The following SPOCK3 variants were observed in gnomAD, a reference collection of about 807,000 sequenced individuals.
SPOCK3 encodes testican-3.
Under a neutral mutation model 56.6 loss-of-function variants are expected in SPOCK3, and 30 were observed. That is an observed-to-expected ratio of 0.53 (90% CI 0.40 to 0.72). The LOEUF is 0.72. SPOCK3 is among the 30% of genes least tolerant of loss of function. The pLI is 0.00. For missense variants in SPOCK3, 527 were observed against 530.0 expected (o/e 0.99, Z 0.06); for synonymous variants, 196 against 183.3 (o/e 1.07, Z -0.56).
chr4:167,129,864 T>A lies in SPOCK3; in HGVS notation c.190-67327A>T, dbSNP rs757284313. 2.4e-4 allele frequency among the ~76,000 whole-genome samples: 36 copies of A among 152,180 alleles called. 1 individual carries two copies. Among genetic ancestry groups the A allele is most frequent in the Admixed American group, 9.2e-4 (14 of 15,270 alleles). On this transcript the variant is annotated intron_variant, in intron 2 of 10. Coordinates refer to ENST00000357545, the MANE Select transcript of SPOCK3 (RefSeq NM_001040159.2). The stretch of plus-strand genomic sequence containing the variant: ...TATATTATTTAAAGTTGCACTAAAA[T>A]TTCTTATGCTCAACTTGCACAGTTT...
At chr4:166,741,757 T>C (rs1208522606) in intron 9 of SPOCK3, among the ~76,000 whole-genome samples, 2 of 152,178 alleles carry the variant, frequency 1.3e-5, no homozygotes, top group Non-Finnish European at 2.9e-5. Flanking sequence ...GCTTAAATCT[T>C]TCTTTTTACT....
At chr4:166,958,224 C>T (rs1243293977) in intron 4 of SPOCK3, among the ~76,000 whole-genome samples, 8 of 152,154 alleles carry the variant, frequency 5.3e-5, no homozygotes, top group Non-Finnish European at 1.2e-4. Context: ...TATGCATCTT[C>T]CAGCTTTGCT....
intron 2 of SPOCK3, among the ~76,000 whole-genome samples, chr4:167,066,887 A>G (rs1385850963): frequency 6.6e-6 from 1 of 151,926 alleles, no homozygotes; most frequent in Admixed American, 6.6e-5. Context: ...AACTGGTTAC[A>G]ACTAGGCTTT....
At chr4:166,910,050 CTCTT>C (rs1737090845) in intron 5 of SPOCK3, among the ~76,000 whole-genome samples, 1 of 152,050 alleles carries the variant, frequency 6.6e-6, no homozygotes, top group Non-Finnish European at 1.5e-5. Flanking sequence ...ATCAAATAAA[CTCTT>C]AAAAAAAGAT....
At chr4:167,166,545 T>A (rs1765780923) in intron 2 of SPOCK3, among the ~76,000 whole-genome samples, 1 of 151,948 alleles carries the variant, frequency 6.6e-6, no homozygotes, top group Non-Finnish European at 1.5e-5. Context: ...CTGTTAAGAG[T>A]TTTCTGTATT....
chr4:166,742,626 A>G (rs1165531562), intron 8 of SPOCK3, among the ~76,000 whole-genome samples: 2 of 152,114 alleles, frequency 1.3e-5, no homozygotes, highest in Admixed American at 6.6e-5. Flanking sequence ...AATATTGTAT[A>G]ATGTTAAGAG....
intron 6 of SPOCK3, among the ~76,000 whole-genome samples, chr4:166,845,230 A>C (rs1747935610): frequency 6.6e-6 from 1 of 152,204 alleles, no homozygotes; most frequent in African/African-American, 2.4e-5. Context: ...AAAATGTTGA[A>C]ATCATATAAT....
intron 2 of SPOCK3, among the ~76,000 whole-genome samples, chr4:167,094,215 G>A (rs1758947512): frequency 6.6e-6 from 1 of 151,902 alleles, no homozygotes; most frequent in Non-Finnish European, 1.5e-5. Context: ...GAAGACAGAG[G>A]ACTATCAGCT....
At chr4:167,204,422 G>T (rs1431470064) in intron 2 of SPOCK3, among the ~76,000 whole-genome samples, 2 of 152,062 alleles carry the variant, frequency 1.3e-5, no homozygotes, top group East Asian at 3.9e-4. Flanking sequence ...TACAAGCATG[G>T]CGGAAGGCAC....
At chr4:166,736,152 A>G (rs1734197545) in intron 10 of SPOCK3, among the ~76,000 whole-genome samples, 1 of 152,088 alleles carries the variant, frequency 6.6e-6, no homozygotes. Context: ...TAAAATTCCC[A>G]TCTTAACTGA....
At position 166,936,530 on chromosome 4, in the gene SPOCK3, T is replaced by C. The variant is rs76421098; in HGVS notation, c.351-23787A>G. Among the ~76,000 whole-genome samples, 267 of 152,166 alleles carry C rather than the reference T, an allele frequency of 1.8e-3. 3 individuals carry two copies. The highest frequency in any genetic ancestry group is 5.7e-3 in the African/African-American group (237 of 41,542). ...AGTGGTTGGTAATTAGCCCTTAGGATTTTTTTAATGTCTGTAGGATCTCTA... is the reference window on the plus strand; with the variant it reads ...AGTGGTTGGTAATTAGCCCTTAGGACTTTTTTAATGTCTGTAGGATCTCTA... On this transcript the variant is annotated intron_variant, in intron 4 of 10. Transcript: ENST00000357545.
intron 2 of SPOCK3, among the ~76,000 whole-genome samples, chr4:167,137,831 T>G (rs1289618454): frequency 1.3e-5 from 2 of 151,764 alleles, no homozygotes; most frequent in Non-Finnish European, 3.0e-5. Context: ...TAAATTCTGA[T>G]GCAAAAAAAA....
chr4:167,134,823 T>C (rs1339674262), intron 2 of SPOCK3, among the ~76,000 whole-genome samples: 1 of 152,108 alleles, frequency 6.6e-6, no homozygotes, highest in East Asian at 1.9e-4. Flanking sequence ...TAAAAAGATA[T>C]AACTATGTAG....
At chr4:166,965,461 C>T (rs972591555) in intron 4 of SPOCK3, among the ~76,000 whole-genome samples, 9 of 150,068 alleles carry the variant, frequency 6.0e-5, no homozygotes, top group African/African-American at 1.5e-4. Flanking sequence ...TTTGCAGACT[C>T]TGGTTTGGTA....
rs1182877501 is a variant in SPOCK3 at position 166,756,150 on chromosome 4, C to T, written c.710-1421G>A. On this transcript the variant is annotated intron_variant, in intron 7 of 10. Transcript: ENST00000357545. ...CGGTCGCACCTGGAAAATCAGGTCA[C>T]TCCCACCCGAATATTGCGCTTTTCA... 2.2e-4 allele frequency among the ~76,000 whole-genome samples: 7 copies of T among 31,502 alleles called. 1 individual carries two copies. In the East Asian group the frequency reaches 2.5e-3, roughly 11 times the overall value. The allele number at this position is 31,502 out of a possible 152,430, so 20.7% of individuals were successfully genotyped here. A position where few individuals can be genotyped will look rare whatever the true frequency, so the allele number is the denominator to read the frequency against.
chr4:167,032,207 G>A (rs984500432), intron 3 of SPOCK3, among the ~76,000 whole-genome samples: 1 of 151,874 alleles, frequency 6.6e-6, no homozygotes, highest in Non-Finnish European at 1.5e-5. Flanking sequence ...AGTATATGAA[G>A]CAAAGACAAA....
intron 7 of SPOCK3, among the ~76,000 whole-genome samples, chr4:166,778,870 G>A (rs1739862387): frequency 6.6e-6 from 1 of 152,012 alleles, no homozygotes; most frequent in African/African-American, 2.4e-5. Context: ...AGTTTTCATG[G>A]TGCAAGGTAG....
At chr4:166,977,813 C>T (rs906019767) in intron 4 of SPOCK3, among the ~76,000 whole-genome samples, 2 of 152,088 alleles carry the variant, frequency 1.3e-5, no homozygotes, top group African/African-American at 4.8e-5. Context: ...GCTGCCAAAG[C>T]TCTTCTCTTT....
At chr4:166,914,432 T>C (rs541786153) in intron 4 of SPOCK3, among the ~76,000 whole-genome samples, 23 of 152,180 alleles carry the variant, frequency 1.5e-4, no homozygotes, top group Non-Finnish European at 2.6e-4. Flanking sequence ...AATCTTTCAA[T>C]TTTAATTTAA....
Sources: gnomAD v4.1 joint callset for allele counts (sites outside exome capture counted in the v4.1 genomes callset) on GRCh38, gnomAD v4.1.1 for gene constraint, MANE v1.5 for transcripts, NCBI Gene and HGNC (gene_info 2026-07-23, HGNC 2026-07-21) for gene names.